CAMTA1: variants seen among roughly 807,000 people sequenced by gnomAD.
The protein encoded by CAMTA1 is calmodulin-binding transcription activator 1.
A neutral mutation model predicts 170.9 loss-of-function variants in CAMTA1; 27 were observed. The ratio of observed to expected loss-of-function variants is 0.16; its 90% CI spans 0.12 to 0.22. CAMTA1 has a LOEUF of 0.22. Among genes scored for constraint, CAMTA1 ranks in the 10% least tolerant of loss-of-function variants. The probability of loss-of-function intolerance (pLI) is 1.00; values close to 1 mark genes in which losing one functional copy is unlikely to be tolerated. For synonymous variants in CAMTA1, 833 were observed against 891.5 expected (o/e 0.93, Z 1.17); for missense variants, 1,619 against 2,217.2 (o/e 0.73, Z 5.42).
intron 3 of CAMTA1, among the ~76,000 whole-genome samples, chr1:6,941,583 T>C (rs1268561125): frequency 6.6e-6 from 1 of 152,202 alleles, no homozygotes. Flanking sequence ...CAGCCCAGTG[T>C]TAATGAGCAG....
At position 7,638,897 on chromosome 1, in the gene CAMTA1, G is replaced by C. The variant is rs79259474; in HGVS notation, c.511-1503G>C. ...CTGGGCATGTCCTATCTGAGCTCGG[G>C]GGGCAGAAAGCGACAGAGGACATTC... On this transcript the variant is annotated intron_variant, in intron 6 of 22. Transcript: ENST00000303635. 5.0e-3 allele frequency among the ~76,000 whole-genome samples: 760 copies of C among 152,268 alleles called. 11 individuals are homozygous for C. Among genetic ancestry groups the C allele is most frequent in the African/African-American group, 0.018 (733 of 41,552 alleles).
intron 4 of CAMTA1, among the ~76,000 whole-genome samples, chr1:7,231,451 C>T (rs1389244550): frequency 6.6e-6 from 1 of 152,068 alleles, no homozygotes; most frequent in African/African-American, 2.4e-5. Flanking sequence ...CGGCTCACTG[C>T]AACCTCTGCC....
intron 3 of CAMTA1, among the ~76,000 whole-genome samples, chr1:6,963,178 C>G (rs1221929941): frequency 6.7e-6 from 1 of 150,374 alleles, no homozygotes; most frequent in African/African-American, 2.4e-5. Context: ...CAGCCTCCAT[C>G]TCTTTTGGCT....
At chr1:7,150,752 G>A (rs928742763) in intron 4 of CAMTA1, among the ~76,000 whole-genome samples, 2 of 152,282 alleles carry the variant, frequency 1.3e-5, no homozygotes, top group African/African-American at 2.4e-5. Flanking sequence ...AACCCTGTGT[G>A]CTTGGGTCGT....
intron 3 of CAMTA1, among the ~76,000 whole-genome samples, chr1:6,946,897 A>T (rs1481568870): frequency 6.6e-6 from 1 of 152,246 alleles, no homozygotes; most frequent in Non-Finnish European, 1.5e-5. Flanking sequence ...ATCCAAGGTC[A>T]TAAAGATTTA....
intron 5 of CAMTA1, among the ~76,000 whole-genome samples, chr1:7,394,831 G>GTC (rs1553155391): frequency 2.7e-5 from 4 of 146,258 alleles, no homozygotes; most frequent in South Asian, 4.3e-4. Context: ...GTGTGTGTGT[G>GTC]TGTGTGTGTG....
At chr1:7,556,946 T>C (rs1046837176) in intron 6 of CAMTA1, among the ~76,000 whole-genome samples, 7 of 152,168 alleles carry the variant, frequency 4.6e-5, no homozygotes, top group African/African-American at 1.4e-4. Context: ...ATGGTGACCC[T>C]TTGAGGCAGG....
chr1:7,498,647 A>G (rs1256060497), intron 6 of CAMTA1, among the ~76,000 whole-genome samples: 1 of 152,004 alleles, frequency 6.6e-6, no homozygotes, highest in Non-Finnish European at 1.5e-5. Flanking sequence ...CATGCATGTG[A>G]ATGTATGTGG....
intron 5 of CAMTA1, among the ~76,000 whole-genome samples, chr1:7,353,133 C>G (rs2084812839): frequency 6.6e-6 from 1 of 152,190 alleles, no homozygotes; most frequent in African/African-American, 2.4e-5. Flanking sequence ...ATCACCTACC[C>G]TCTCGAAGGC....
At chr1:7,047,721 C>CT (rs61590402) in intron 3 of CAMTA1, among the ~76,000 whole-genome samples, 6,048 of 129,440 alleles carry the variant, frequency 0.047, 381 homozygotes, top group African/African-American at 0.17. Context: ...CTCTCTCTCT[C>CT]TTTTTTTTTT....
intron 3 of CAMTA1, among the ~76,000 whole-genome samples, chr1:6,844,690 C>CAAAAAAAAAAAAAA (rs1180942073): frequency 1.9e-5 from 1 of 52,064 alleles, no homozygotes; most frequent in Non-Finnish European, 3.4e-5. Flanking sequence ...ACCCTGTGTC[C>CAAAAAAAAAAAAAA]AAAAAAAAAA....
intron 3 of CAMTA1, among the ~76,000 whole-genome samples, chr1:6,832,517 C>T (rs781700819): frequency 2.5e-4 from 38 of 151,740 alleles, no homozygotes; most frequent in Non-Finnish European, 4.3e-4. Flanking sequence ...ATTGGTTTTT[C>T]TAGTGTATTT....
In CAMTA1 at chr1:7,265,830, A is replaced by G. The variant is rs77335625; in HGVS notation, c.438+16204A>G. 5.7e-3 allele frequency among the ~76,000 whole-genome samples: 875 copies of G among 152,260 alleles called. 13 individuals carry two copies. The highest frequency in any genetic ancestry group is 0.019 in the African/African-American group (799 of 41,544). ...GAGGCTGGAGACCTAGATTACTCTT[A>G]ATCACACCCATTACCAAGACTCTGA... On this transcript the variant is annotated intron_variant, in intron 5 of 22. Coordinates refer to ENST00000303635, the MANE Select transcript of CAMTA1 (RefSeq NM_015215.4).
At position 6,918,879 on chromosome 1, in the gene CAMTA1, C is replaced by T. The variant is rs902253565; in HGVS notation, c.234+93669C>T. 5.3e-5 allele frequency among the ~76,000 whole-genome samples: 8 copies of T among 152,292 alleles called. No homozygotes were observed. The highest frequency in any genetic ancestry group is 1.9e-4 in the East Asian group (1 of 5,178). On this transcript the variant is annotated intron_variant, in intron 3 of 22. Coordinates refer to ENST00000303635, the MANE Select transcript of CAMTA1 (RefSeq NM_015215.4). This position sits in a 1 kb window ranked among gnomAD's most constrained non-coding sequence, Gnocchi z 4.0. ...CTGAATCGGGCCCAGCAGAACTAGCCGCTCTCATGGCCTCAAATTCAAGGG... is the reference window on the plus strand; with the variant it reads ...CTGAATCGGGCCCAGCAGAACTAGCTGCTCTCATGGCCTCAAATTCAAGGG...
At chr1:7,153,155 C>A (rs776398876) in intron 4 of CAMTA1, among the ~76,000 whole-genome samples, 1 of 152,224 alleles carries the variant, frequency 6.6e-6, no homozygotes, top group South Asian at 2.1e-4. Flanking sequence ...TGTCTTGAAC[C>A]CTCTTCTGTC....
intron 22 of CAMTA1, among the ~76,000 whole-genome samples, chr1:7,762,364 A>G (rs923582053): frequency 6.6e-6 from 1 of 152,248 alleles, no homozygotes; most frequent in African/African-American, 2.4e-5. Context: ...CAAGGTGATC[A>G]TAAATTTAGC....
At chr1:6,802,599 A>G (rs1465068910) in intron 1 of CAMTA1, among the ~76,000 whole-genome samples, 2 of 152,246 alleles carry the variant, frequency 1.3e-5, no homozygotes, top group Non-Finnish European at 2.9e-5. Flanking sequence ...CAGATGCTAT[A>G]GAGTTTTGCA....
rs891312624 is a variant in CAMTA1 at position 7,642,704 on chromosome 1, G to C, written c.664+2151G>C. ...TCAGGGCTGGCAAGTCAGGAGGCAGGTGCTCATCCTGGCTTCATGGCTGCC... is the reference window on the plus strand; with the variant it reads ...TCAGGGCTGGCAAGTCAGGAGGCAGCTGCTCATCCTGGCTTCATGGCTGCC... On this transcript the variant is annotated intron_variant, in intron 7 of 22. Transcript: ENST00000303635. This position sits in a 1 kb window ranked among gnomAD's most constrained non-coding sequence, Gnocchi z 6.3. Among the ~76,000 whole-genome samples the C allele has an allele frequency of 3.3e-5, 5 of 152,112 alleles. No homozygotes were observed. Among genetic ancestry groups the C allele is most frequent in the Non-Finnish European group, 7.4e-5 (5 of 68,000 alleles).
Position 7,448,698 on chromosome 1 carries a change from G to A in CAMTA1, c.439-19132G>A, listed in dbSNP as rs145690633. ...CCGTGCCTTCTTGCTGCGTCCTTAC[G>A]TGGTAGAAGAGGCAGGGGTCTCCCT... is the stretch of plus-strand genomic sequence containing the variant. On this transcript the variant is annotated intron_variant, in intron 5 of 22. Transcript: ENST00000303635. Among the ~76,000 whole-genome samples the A allele has an allele frequency of 3.0e-3, 457 of 152,310 alleles. 3 individuals are homozygous for A. The highest frequency in any genetic ancestry group is 4.8e-3 in the Non-Finnish European group (324 of 68,038).
Sources: gnomAD v4.1 joint callset for allele counts (sites outside exome capture counted in the v4.1 genomes callset) on GRCh38, gnomAD v4.1.1 for gene constraint, Gnocchi (gnomAD v3.1) non-coding constraint, MANE v1.5 for transcripts, NCBI Gene and HGNC (gene_info 2026-07-23, HGNC 2026-07-21) for gene names.